ARFGEF3: variants seen among roughly 807,000 people sequenced by gnomAD.
ARFGEF3 encodes ARFGEF family member 3, also known as brefeldin A-inhibited guanine nucleotide-exchange protein 3.
In ARFGEF3, 96 loss-of-function variants were observed where a neutral mutation model predicts 221.7. The ratio of observed to expected loss-of-function variants is 0.43; its 90% CI spans 0.37 to 0.51. The LOEUF is 0.51. Ranked by LOEUF, ARFGEF3 falls within the 20% of genes least tolerant of loss-of-function variation. ARFGEF3 has a pLI of 0.00. For synonymous variants in ARFGEF3, 1,145 were observed against 1,126.8 expected, an observed-to-expected ratio of 1.02 and a Z score of -0.32; for missense variants, 2,410 against 2,789.9, an observed-to-expected ratio of 0.86 and a Z score of 3.07.
intron 14 of ARFGEF3, among the ~76,000 whole-genome samples, chr6:138,285,665 T>A (rs1779273158): frequency 6.6e-6 from 1 of 152,126 alleles, no homozygotes; most frequent in African/African-American, 2.4e-5. Flanking sequence ...ATATTCTAAA[T>A]CAATAGATTT....
chr6:138,275,303 GAATAATATAA>G (rs1161669196), intron 12 of ARFGEF3, among the ~76,000 whole-genome samples: 70 of 152,164 alleles, frequency 4.6e-4, no homozygotes, highest in African/African-American at 1.7e-3. Context: ...GGTTTTGTGG[GAATAATATAA>G]GGTGGTTTTG....
chr6:138,295,497 G>T (rs973606270), intron 20 of ARFGEF3, among the ~76,000 whole-genome samples: 1 of 151,684 alleles, frequency 6.6e-6, no homozygotes, highest in Non-Finnish European at 1.5e-5. Context: ...GGGTGTCATG[G>T]CATGTGCCTG....
intron 28 of ARFGEF3, 66 bp downstream of exon 28, chr6:138,319,945 C>T (rs949909285): frequency 2.4e-5 from 33 of 1,387,528 alleles, no homozygotes; most frequent in Non-Finnish European, 3.1e-5. Context: ...TCAGCTAAAA[C>T]GGTGTAGTAA....
rs867085095 is a variant in ARFGEF3 at position 138,254,321 on chromosome 6, A to G, written c.770+337A>G. ...GTAATCCCAGCTTCTTGGAAGGCAG[A>G]GGCATGAGAATTGCTTCAACCTGAG... is the stretch of plus-strand genomic sequence containing the variant. On this transcript the variant is annotated intron_variant, in intron 9 of 33. Coordinates refer to ENST00000251691, the MANE Select transcript of ARFGEF3 (RefSeq NM_020340.5). Among the ~76,000 whole-genome samples the G allele has an allele frequency of 3.0e-4, 45 of 151,640 alleles. No homozygotes were observed. In the Middle Eastern group the frequency reaches 0.021, roughly 70 times the overall value.
intron 26 of ARFGEF3, 122 bp from the exon 27 acceptor site, chr6:138,317,129 C>A: frequency 1.0e-6 from 1 of 993,048 alleles, no homozygotes; most frequent in Non-Finnish European, 1.5e-6. Context: ...GCTAACAACA[C>A]TGGGTGATGG....
intron 3 of ARFGEF3, 50 bp from the exon 4 acceptor site, chr6:138,209,860 G>C (rs376156596): frequency 2.6e-5 from 41 of 1,597,738 alleles, no homozygotes; most frequent in Middle Eastern, 1.7e-4. Flanking sequence ...AACCAAATAA[G>C]GCAGCAGGGG....
intron 23 of ARFGEF3, among the ~76,000 whole-genome samples, chr6:138,308,416 G>A (rs1395530700): frequency 2.0e-5 from 3 of 152,154 alleles, no homozygotes; most frequent in Admixed American, 1.3e-4. Flanking sequence ...AACCTGCCCT[G>A]CTGTGCCCTG....
intron 32 of ARFGEF3, among the ~76,000 whole-genome samples, chr6:138,331,424 G>T (rs1780225225): frequency 6.6e-6 from 1 of 152,212 alleles, no homozygotes; most frequent in Non-Finnish European, 1.5e-5. Flanking sequence ...AGTGGAAGAT[G>T]AGTTAGACCT....
intron 12 of ARFGEF3, among the ~76,000 whole-genome samples, chr6:138,272,688 G>T (rs191731067): frequency 1.3e-5 from 2 of 152,148 alleles, no homozygotes; most frequent in South Asian, 2.1e-4. Flanking sequence ...AATTAGAGCC[G>T]TAGACTTAAA....
chr6:138,194,517 G>A (rs950672805), intron 2 of ARFGEF3, among the ~76,000 whole-genome samples: 9 of 152,258 alleles, frequency 5.9e-5, no homozygotes, highest in Non-Finnish European at 1.0e-4. Flanking sequence ...CCAGGGCAGG[G>A]CAGAGCAATT....
intron 1 of ARFGEF3, among the ~76,000 whole-genome samples, chr6:138,165,212 G>T (rs899257158): frequency 1.3e-5 from 2 of 151,438 alleles, no homozygotes; most frequent in Admixed American, 6.6e-5. Flanking sequence ...CGAGACAGGG[G>T]TCATCCCCCA....
chr6:138,241,295 ACTC>A (rs1464630456), intron 6 of ARFGEF3, among the ~76,000 whole-genome samples: 4 of 151,964 alleles, frequency 2.6e-5, no homozygotes, highest in African/African-American at 7.3e-5. Flanking sequence ...AAGATCCATC[ACTC>A]CTCTGTCTAC....
chr6:138,195,837 A>G (rs982217255), intron 2 of ARFGEF3, among the ~76,000 whole-genome samples: 16 of 152,154 alleles, frequency 1.1e-4, no homozygotes, highest in African/African-American at 3.1e-4. Context: ...CCACGGTGCC[A>G]TGAGAAGTGG....
intron 5 of ARFGEF3, among the ~76,000 whole-genome samples, chr6:138,233,657 A>G (rs1378045055): frequency 1.3e-5 from 2 of 152,152 alleles, no homozygotes; most frequent in Non-Finnish European, 2.9e-5. Context: ...GATTACAGGT[A>G]TGAGCCACCG....
intron 31 of ARFGEF3, among the ~76,000 whole-genome samples, chr6:138,325,207 G>A (rs1055098665): frequency 3.3e-5 from 5 of 152,104 alleles, no homozygotes; most frequent in Non-Finnish European, 5.9e-5. Context: ...TACTCAAAAG[G>A]GAAGGCCCCT....
Position 138,170,721 on chromosome 6 carries a change from A to G in ARFGEF3, c.137+8A>G. The G allele has an allele frequency of 6.6e-7, 1 of 1,524,030 alleles. No individual in the cohort carries two copies. The highest frequency in any genetic ancestry group is 9.1e-7 in the Non-Finnish European group (1 of 1,098,386). The allele number at this position is 1,524,030 out of a possible 1,614,324, so 94.4% of individuals were successfully genotyped here. ...CCCTCCACATGTACTGAGGTAGGAG[A>G]TGGACATTGTATAATATCACAGAAG... On this transcript the variant is annotated splice_region_variant and intron_variant, in intron 2 of 33. Coordinates refer to ENST00000251691, the MANE Select transcript of ARFGEF3 (RefSeq NM_020340.5).
chr6:138,275,881 T>C (rs1779087662), intron 12 of ARFGEF3, among the ~76,000 whole-genome samples: 1 of 152,240 alleles, frequency 6.6e-6, no homozygotes, highest in Non-Finnish European at 1.5e-5. Flanking sequence ...TCTCATTTCT[T>C]TGACTGTTAA....
At chr6:138,164,777 C>T (rs1462238217) in intron 1 of ARFGEF3, among the ~76,000 whole-genome samples, 3 of 152,178 alleles carry the variant, frequency 2.0e-5, no homozygotes, top group African/African-American at 7.2e-5. Flanking sequence ...GCGTGGGTCT[C>T]CACAGTTTTG....
At chr6:138,289,692 A>T in intron 17 of ARFGEF3, 126 bp from the exon 18 acceptor site, 1 of 968,094 alleles carries the variant, frequency 1.0e-6, no homozygotes. Flanking sequence ...CCTACTGTGG[A>T]GGTGCTTGCT....
Sources: gnomAD v4.1 joint callset for allele counts (sites outside exome capture counted in the v4.1 genomes callset) on GRCh38, gnomAD v4.1.1 for gene constraint, MANE v1.5 for transcripts, NCBI Gene and HGNC (gene_info 2026-07-23, HGNC 2026-07-21) for gene names.